The following GPR158 variants were observed in gnomAD, a reference collection of about 807,000 sequenced individuals.
GPR158 encodes metabotropic glycine receptor.
In GPR158, 30 loss-of-function variants were observed where a neutral mutation model predicts 78.2. That is an observed-to-expected ratio of 0.38 (90% CI 0.29 to 0.52). GPR158 has a LOEUF of 0.52. Among genes scored for constraint, GPR158 ranks in the 20% least tolerant of loss-of-function variants. The pLI is 0.83. For missense variants in GPR158, 1,463 were observed against 1,523.5 expected, an observed-to-expected ratio of 0.96 and a Z score of 0.66; for synonymous variants, 581 against 591.1, an observed-to-expected ratio of 0.98 and a Z score of 0.25.
At chr10:25,580,666 C>G (rs1014418952) in intron 7 of GPR158, among the ~76,000 whole-genome samples, 1 of 152,036 alleles carries the variant, frequency 6.6e-6, no homozygotes, top group African/African-American at 2.4e-5. Flanking sequence ...TCTTTTATTC[C>G]AATATGTCAT....
chr10:25,217,086 T>C (rs889975773), intron 1 of GPR158, among the ~76,000 whole-genome samples: 7 of 152,222 alleles, frequency 4.6e-5, no homozygotes, highest in African/African-American at 1.7e-4. Flanking sequence ...CTTACTTGCA[T>C]GGGAACTTTC....
At chr10:25,490,695 T>A (rs1308169520) in intron 5 of GPR158, among the ~76,000 whole-genome samples, 2 of 145,162 alleles carry the variant, frequency 1.4e-5, no homozygotes, top group East Asian at 4.2e-4. Context: ...TCTATCATTG[T>A]TGGACATTTG....
chr10:25,490,889 C>A (rs1445324382), intron 5 of GPR158, among the ~76,000 whole-genome samples: 2 of 151,920 alleles, frequency 1.3e-5, no homozygotes, highest in African/African-American at 4.8e-5. Context: ...CAAAATAATA[C>A]GCAACCCAAC....
At chr10:25,440,886 T>A (rs1835058222) in intron 4 of GPR158, among the ~76,000 whole-genome samples, 1 of 152,192 alleles carries the variant, frequency 6.6e-6, no homozygotes, top group Admixed American at 6.5e-5. Flanking sequence ...TCTTTGACAT[T>A]TCAGTAATAC....
At chr10:25,557,930 T>G (rs1437836133) in intron 6 of GPR158, among the ~76,000 whole-genome samples, 1 of 152,224 alleles carries the variant, frequency 6.6e-6, no homozygotes, top group East Asian at 1.9e-4. Flanking sequence ...GACTTAAAGC[T>G]TTACTTATTT....
chr10:25,504,491 T>C lies in GPR158; in HGVS notation c.1404+37772T>C, dbSNP rs77208161. 8.9e-3 allele frequency among the ~76,000 whole-genome samples: 1,353 copies of C among 152,316 alleles called. 22 individuals are homozygous for C. The highest frequency in any genetic ancestry group is 0.031 in the African/African-American group (1,283 of 41,562). On this transcript the variant is annotated intron_variant, in intron 5 of 10. Coordinates refer to ENST00000376351, the MANE Select transcript of GPR158 (RefSeq NM_020752.3). Reference sequence around the variant, plus strand: ...CCTAGCCTTTGGCTAGCTTCCAACATGGTGGATAGCATCTTCACATCCATC... The same window carrying C: ...CCTAGCCTTTGGCTAGCTTCCAACACGGTGGATAGCATCTTCACATCCATC...
chr10:25,496,704 C>G (rs749706475), intron 5 of GPR158, among the ~76,000 whole-genome samples: 4 of 152,206 alleles, frequency 2.6e-5, no homozygotes, highest in Non-Finnish European at 5.9e-5. Flanking sequence ...CTTAGAACCA[C>G]TGTTAACTCG....
chr10:25,308,355 T>G (rs182257151), intron 2 of GPR158, among the ~76,000 whole-genome samples: 4 of 152,194 alleles, frequency 2.6e-5, no homozygotes, highest in Non-Finnish European at 5.9e-5. Context: ...CCTGTGTCCA[T>G]GTGTTCTCAT....
At position 25,439,613 on chromosome 10, in the gene GPR158, A is replaced by G. The variant is rs540067481; in HGVS notation, c.1336-27038A>G. Among the ~76,000 whole-genome samples the G allele has an allele frequency of 2.6e-5, 4 of 151,922 alleles. No individual in the cohort carries two copies. In the South Asian group the frequency reaches 6.2e-4, roughly 24 times the overall value. ...TCTATGCATTTTGAAGCTTCCTATTATTTTCCTAATATTCCTATAATTTTT... is the reference window on the plus strand; with the variant it reads ...TCTATGCATTTTGAAGCTTCCTATTGTTTTCCTAATATTCCTATAATTTTT... On this transcript the variant is annotated intron_variant, in intron 4 of 10. Transcript: ENST00000376351.
At chr10:25,227,564 C>A (rs1853391042) in intron 2 of GPR158, among the ~76,000 whole-genome samples, 1 of 152,072 alleles carries the variant, frequency 6.6e-6, no homozygotes, top group East Asian at 1.9e-4. Context: ...AACTATTATT[C>A]TTAGTAATTT....
intron 2 of GPR158, among the ~76,000 whole-genome samples, chr10:25,341,387 A>T (rs1855300592): frequency 6.6e-6 from 1 of 152,078 alleles, no homozygotes; most frequent in Non-Finnish European, 1.5e-5. Flanking sequence ...TCTATGCATT[A>T]TCTGGGAAGA....
intron 2 of GPR158, among the ~76,000 whole-genome samples, chr10:25,355,703 T>C (rs1406657393): frequency 6.6e-6 from 1 of 152,122 alleles, no homozygotes; most frequent in African/African-American, 2.4e-5. Context: ...TTCTTTTGTA[T>C]TTTCATTTTC....
Position 25,379,524 on chromosome 10 carries a change from C to T in GPR158, c.1009-16387C>T, listed in dbSNP as rs529128543. On this transcript the variant is annotated intron_variant, in intron 2 of 10. Coordinates refer to ENST00000376351, the MANE Select transcript of GPR158 (RefSeq NM_020752.3). ...TTTATCCATACAGGGTCCTAAATTC[C>T]GAAGTAGTCTCCTTAACATTGTGAT... is the stretch of plus-strand genomic sequence containing the variant. Among the ~76,000 whole-genome samples the T allele has an allele frequency of 3.9e-5, 6 of 152,216 alleles. 1 individual carries two copies. The highest frequency in any genetic ancestry group is 2.1e-4 in the South Asian group (1 of 4,822).
intron 5 of GPR158, among the ~76,000 whole-genome samples, chr10:25,543,242 C>A (rs1482684149): frequency 2.0e-5 from 3 of 151,944 alleles, no homozygotes; most frequent in African/African-American, 7.3e-5. Flanking sequence ...TGCCTCAGTC[C>A]CCCAAGTAGC....
At chr10:25,334,616 A>G (rs1249449929) in intron 2 of GPR158, among the ~76,000 whole-genome samples, 1 of 151,994 alleles carries the variant, frequency 6.6e-6, no homozygotes, top group Non-Finnish European at 1.5e-5. Context: ...TGAATGGGTA[A>G]AACTTGAGAA....
chr10:25,332,115 G>GC (rs368046716), intron 2 of GPR158, among the ~76,000 whole-genome samples: 3,754 of 137,058 alleles, frequency 0.027, 162 homozygotes, highest in African/African-American at 0.12. Context: ...GAAATCACCT[G>GC]GGGGGGGGCG....
chr10:25,554,864 A>G (rs139382104), intron 6 of GPR158, among the ~76,000 whole-genome samples: 36 of 152,242 alleles, frequency 2.4e-4, no homozygotes, highest in African/African-American at 8.7e-4. Flanking sequence ...AGTTGGCTTT[A>G]TTATTGCCTT....
intron 4 of GPR158, among the ~76,000 whole-genome samples, chr10:25,448,403 TTAG>T (rs1835169157): frequency 6.6e-6 from 1 of 152,140 alleles, no homozygotes; most frequent in Non-Finnish European, 1.5e-5. Context: ...TCTGACTTCT[TTAG>T]TAGATAGTTT....
Position 25,521,097 on chromosome 10 carries a change from C to T in GPR158, c.1405-29879C>T, listed in dbSNP as rs111975859. The stretch of plus-strand genomic sequence containing the variant: ...CCATTTCCTAAGCCCGTCGGAAAAG[C>T]GCAGTATTCGGGCGGGAGTGACCCG... On this transcript the variant is annotated intron_variant, in intron 5 of 10. Transcript: ENST00000376351. Among the ~76,000 whole-genome samples, 308 of 152,356 alleles carry T rather than the reference C, an allele frequency of 2.0e-3. 1 individual carries two copies. Among genetic ancestry groups the T allele is most frequent in the African/African-American group, 6.9e-3 (289 of 41,602 alleles).
Sources: allele counts gnomAD v4.1 joint callset (sites outside exome capture counted in the v4.1 genomes callset), GRCh38; gene constraint gnomAD v4.1.1; transcripts MANE v1.5; gene names NCBI Gene and HGNC (gene_info 2026-07-23, HGNC 2026-07-21).